The following IKZF4 variants were observed in gnomAD, a reference collection of about 807,000 sequenced individuals.
IKZF4 encodes the protein IKAROS family zinc finger 4, also known as zinc finger protein Eos.
In IKZF4, 11 loss-of-function variants were observed where a neutral mutation model predicts 47.7. The observed-to-expected ratio is 0.23, with a 90% CI of 0.15 to 0.38. IKZF4 has a LOEUF of 0.38. IKZF4 is among the 10% of genes least tolerant of loss of function. IKZF4 has a pLI of 1.00. For synonymous variants in IKZF4, 298 were observed against 299.4 expected (o/e 1.00, Z 0.05); for missense variants, 557 against 784.9 (o/e 0.71, Z 3.47).
chr12:56,012,916 T>A (rs1327208640), intron 2 of IKZF4, among the ~76,000 whole-genome samples: 1 of 152,162 alleles, frequency 6.6e-6, no homozygotes, highest in African/African-American at 2.4e-5. Flanking sequence ...GCCAAGAGTT[T>A]GAGGCTGTAG....
Position 56,032,396 on chromosome 12 carries a change from TC to T in IKZF4, c.716-163del, listed in dbSNP as rs1437554552. ...TTCATCATCAAATATTGTTCATCTG[TC>T]CGCGGTTGCAGTTGAAGTTGGGAAA... On this transcript the variant is annotated intron_variant, in intron 5 of 7. Transcript: ENST00000547167. 4.6e-6 allele frequency: 3 copies of T among 646,862 alleles called. No homozygotes were observed. The African/African-American group carries it at 5.5e-5, about 12-fold the overall frequency. 40.1% of individuals were successfully genotyped at this position (646,862 alleles called of 1,614,324 possible). A position where few individuals can be genotyped will look rare whatever the true frequency, so the allele number is the denominator to read the frequency against.
In IKZF4 at chr12:56,035,359, C is replaced by T. The variant is rs763180211; in HGVS notation, c.*28C>T. 1 of 1,584,678 alleles carries T rather than the reference C, an allele frequency of 6.3e-7. No individual in the cohort carries two copies. The highest frequency in any genetic ancestry group is 1.2e-5 in the South Asian group (1 of 84,764). Reference sequence around the variant, plus strand: ...ACCTCTCCCTCTCTCCTCAGTCCACCACTCCACTGCCCTGACTACAGGCAT... The same window carrying T: ...ACCTCTCCCTCTCTCCTCAGTCCACTACTCCACTGCCCTGACTACAGGCAT... On this transcript the variant is annotated 3_prime_UTR_variant, in exon 8 of 8. Coordinates refer to ENST00000547167, the MANE Select transcript of IKZF4 (RefSeq NM_022465.4). This position sits in a 1 kb window ranked among gnomAD's most constrained non-coding sequence, Gnocchi z 6.1.
chr12:56,033,215 G>A lies in IKZF4; in HGVS notation c.891G>A (p.Met297Ile), dbSNP rs773328914. The A allele has an allele frequency of 1.9e-6, 3 of 1,613,980 alleles. No individual in the cohort carries two copies. The highest frequency in any genetic ancestry group is 1.7e-6 in the Non-Finnish European group (2 of 1,179,876). ...QPGDEIRDLE[M>I]VPDSMLHSSS... ...GTGACGAAATACGTGACCTGGAGAT[G>A]GTGCCAGACTCCATGCTGCACTCAT... Residue 297 changes from methionine to isoleucine, a missense_variant, in exon 7 of 8, where the codon ATG becomes ATA. Transcript: ENST00000547167.
upstream of IKZF4, chr12:56,018,178 G>A (rs752941196): frequency 2.3e-6 from 3 of 1,289,134 alleles, no homozygotes; most frequent in African/African-American, 3.0e-5. Flanking sequence ...TATGTGTCTG[G>A]TATGCCTTCT....
At chr12:56,026,671 A>G in intron 3 of IKZF4, 110 bp from the exon 4 acceptor site, 1 of 1,226,674 alleles carries the variant, frequency 8.2e-7, no homozygotes, top group Non-Finnish European at 1.1e-6. Flanking sequence ...CCTGGGCAAC[A>G]AGAGCGAAAT....
chr12:56,009,561 G>A (rs1891103527), intron 1 of IKZF4, among the ~76,000 whole-genome samples: 1 of 152,158 alleles, frequency 6.6e-6, no homozygotes, highest in African/African-American at 2.4e-5. Flanking sequence ...TAGCTCCTGA[G>A]ATAAAAATAA....
upstream of IKZF4, among the ~76,000 whole-genome samples, chr12:56,019,580 C>T (rs182719709): frequency 5.1e-4 from 78 of 152,236 alleles, no homozygotes; most frequent in African/African-American, 1.9e-3. Context: ...TTGTGAGGAG[C>T]GAGCCAGTCC....
chr12:56,012,269 T>G (rs1891415459), intron 2 of IKZF4, among the ~76,000 whole-genome samples: 1 of 150,968 alleles, frequency 6.6e-6, no homozygotes, highest in East Asian at 1.9e-4. Flanking sequence ...ATGTGTTAAA[T>G]GACTTTTTTT....
In IKZF4 at chr12:56,034,806, T is replaced by G. The variant is rs781730328; in HGVS notation, c.1233T>G (p.Gly411=). The change falls in exon 8 of 8, where the codon GGT becomes GGG. Residue 411 remains glycine (G), a synonymous_variant. Transcript: ENST00000547167. ...SVYTQMQPLP[G]RLELPGSREA... ...ACACCCAGATGCAGCCCCTCCCTGGTCGACTGGAGCTTCCAGGATCCCGAG... is the reference window on the plus strand; with the variant it reads ...ACACCCAGATGCAGCCCCTCCCTGGGCGACTGGAGCTTCCAGGATCCCGAG... The G allele has an allele frequency of 6.2e-7, 1 of 1,613,946 alleles. No individual in the cohort carries two copies. The highest frequency in any genetic ancestry group is 1.7e-5 in the Admixed American group (1 of 60,016).
At chr12:56,018,265 C>A, upstream of IKZF4, 1 of 985,944 alleles carries the variant, frequency 1.0e-6, no homozygotes, top group Non-Finnish European at 1.4e-6. Flanking sequence ...CCTAGGCACA[C>A]AGCCTCTAAA....
intron 4 of IKZF4, 139 bp from the exon 5 acceptor site, chr12:56,027,641 G>C: frequency 1.2e-6 from 1 of 800,638 alleles, no homozygotes. Flanking sequence ...ATCAGGGTTT[G>C]TGTGCATTGC....
At position 56,021,292 on chromosome 12, in the gene IKZF4, T is replaced by TCA. The variant is rs780516239; in HGVS notation, c.-201_-200insAC. ...TTCTCTCCCTCTCTCTCTCTCTCTC[T>TCA]CTCACACACACACACACACACACAC... On this transcript the variant is annotated 5_prime_UTR_variant, in exon 1 of 8. Transcript: ENST00000547167. 0.15 allele frequency: 100,128 copies of TCA among 666,126 alleles called. 496 individuals carry two copies. Among genetic ancestry groups the TCA allele is most frequent in the African/African-American group, 0.2 (7,002 of 35,298 alleles). 41.3% of individuals were successfully genotyped at this position (666,126 alleles called of 1,614,324 possible).
chr12:56,021,049 T>A lies in IKZF4; in HGVS notation c.-445T>A. 1 of 1,127,490 alleles carries A rather than the reference T, an allele frequency of 8.9e-7. No individual in the cohort carries two copies. Among genetic ancestry groups the A allele is most frequent in the Non-Finnish European group, 1.1e-6 (1 of 912,678 alleles). The allele number at this position is 1,127,490 out of a possible 1,614,324, so 69.8% of individuals were successfully genotyped here. On this transcript the variant is annotated 5_prime_UTR_variant, in exon 1 of 8. In the 5' UTR this introduces an upstream ATG that the reference lacks. Coordinates refer to ENST00000547167, the MANE Select transcript of IKZF4 (RefSeq NM_022465.4). The stretch of plus-strand genomic sequence containing the variant: ...CTCTCTCTCTCTCTTGCACACACTC[T>A]TGCCTCTCTCAGGCATTTGTTGTGC...
Position 56,035,289 on chromosome 12 carries a change from A to G in IKZF4, c.1716A>G (p.Glu572=), listed in dbSNP as rs779818769. Residue 572 remains glutamate, a synonymous_variant, in exon 8 of 8, where the codon GAA becomes GAG. Transcript: ENST00000547167. The surrounding 1 kb of genome is among the most constrained non-coding windows in gnomAD (Gnocchi z 6.1). ...ICGYHSQDRY[E]FSSHIVRGEH... ...GTTATCACAGCCAGGACCGGTACGA[A>G]TTCTCTTCCCACATTGTCCGGGGGG... The G allele has an allele frequency of 4.3e-6, 7 of 1,613,538 alleles. No individual in the cohort carries two copies. Among genetic ancestry groups the G allele is most frequent in the Non-Finnish European group, 5.1e-6 (6 of 1,179,772 alleles).
At chr12:56,032,829 T>C (rs1895094796) in intron 6 of IKZF4, 119 bp downstream of exon 6, 3 of 1,196,496 alleles carry the variant, frequency 2.5e-6, no homozygotes, top group Non-Finnish European at 2.4e-6. Context: ...AGGGGATGAT[T>C]ACCCCAGTAA....
chr12:56,025,292 G>A (rs1471395161), intron 3 of IKZF4, 134 bp downstream of exon 3: 16 of 1,003,406 alleles, frequency 1.6e-5, no homozygotes, highest in Non-Finnish European at 2.3e-5. Context: ...TAAGAGCAAT[G>A]AGGAGCCCAG....
chr12:56,010,983 T>G (rs1478052460), intron 1 of IKZF4, among the ~76,000 whole-genome samples: 1 of 152,226 alleles, frequency 6.6e-6, no homozygotes, highest in Non-Finnish European at 1.5e-5. Context: ...TGGGCACAAT[T>G]GCAATCAAAG....
In IKZF4 at chr12:56,021,562, C is replaced by T. The variant is rs1334339558; in HGVS notation, c.69C>T (p.His23=). 2 of 1,606,830 alleles carry T rather than the reference C, an allele frequency of 1.2e-6. No individual in the cohort carries two copies. The highest frequency in any genetic ancestry group is 1.3e-5 in the African/African-American group (1 of 74,656). ...GCCGCGTTCGCACCCCAGGGTCTCA[C>T]CGGCAAGGGAAGGATAATGTAAGTT... is the stretch of plus-strand genomic sequence containing the variant. ...GGGRVRTPGS[H]RQGKDNLERD... The change falls in exon 1 of 8, where the codon CAC becomes CAT. Residue 23 remains histidine, a synonymous_variant. Coordinates refer to ENST00000547167, the MANE Select transcript of IKZF4 (RefSeq NM_022465.4).
rs1893452803 is a variant in IKZF4, at chr12:56,023,652, T to G, written c.88-19T>G. The G allele has an allele frequency of 2.5e-6, 4 of 1,612,972 alleles. No homozygotes were observed. The highest frequency in any genetic ancestry group is 3.4e-6 in the Non-Finnish European group (4 of 1,179,480). ...GGTCCCAAAGTCCTGAGTGGTTGTT[T>G]TCTTCCCACTGACCAAAGCTGGAGA... On this transcript the variant is annotated intron_variant, in intron 1 of 7. Coordinates refer to ENST00000547167, the MANE Select transcript of IKZF4 (RefSeq NM_022465.4).
Sources: gnomAD v4.1 joint callset for allele counts (sites outside exome capture counted in the v4.1 genomes callset) on GRCh38, gnomAD v4.1.1 for gene constraint, Gnocchi (gnomAD v3.1) non-coding constraint, MANE v1.5 for transcripts, NCBI Gene and HGNC (gene_info 2026-07-23, HGNC 2026-07-21) for gene names.